The following PCDHA5 variants were observed in gnomAD, a reference collection of about 807,000 sequenced individuals.
The protein encoded by PCDHA5 is protocadherin alpha 5, also known as protocadherin alpha-5.
A neutral mutation model predicts 61.6 loss-of-function variants in PCDHA5; 43 were observed. The ratio of observed to expected loss-of-function variants is 0.70; its 90% CI spans 0.55 to 0.90. The LOEUF is 0.90. Ranked by LOEUF, PCDHA5 falls within the 40% of genes least tolerant of loss-of-function variation. PCDHA5 has a pLI of 0.00. For synonymous variants in PCDHA5, 627 were observed against 543.9 expected (o/e 1.15, Z -2.13); for missense variants, 1,298 against 1,222.7 (o/e 1.06, Z -0.92).
rs2150123800 is a variant in PCDHA5, at chr5:140,823,233, C to A, written c.1458C>A (p.Asn486Lys). ...CACGGGACGCGGACGCGCAGGAGAA[C>A]GCCCTGGTGTCCTACTCGCTGGTGG... ...VSARDADAQE[N>K]ALVSYSLVER... Residue 486 changes from asparagine to lysine, a missense_variant, in exon 1 of 4, where the codon AAC (asparagine) becomes AAA (lysine). Asn to Lys is a moderately conservative substitution (Grantham distance 94, BLOSUM62 0). Transcript: ENST00000529859. 1 of 1,613,610 alleles carries A rather than the reference C, an allele frequency of 6.2e-7. No homozygotes were observed. Among genetic ancestry groups the A allele is most frequent in the East Asian group, 2.2e-5 (1 of 44,870 alleles).
At chr5:140,926,409 C>G (rs1426750263) in intron 1 of PCDHA5, 3 of 152,670 alleles carry the variant, frequency 2.0e-5, no homozygotes, top group Admixed American at 6.5e-5. Context: ...CAGCAATCTG[C>G]GGGCAGAGGA....
At chr5:140,982,380 C>A in intron 2 of PCDHA5, 95 bp from the exon 3 acceptor site, 1 of 1,577,206 alleles carries the variant, frequency 6.3e-7, no homozygotes, top group South Asian at 1.2e-5. Context: ...AGCTGCAGCC[C>A]TGGCTTCATA....
chr5:140,934,612 T>G (rs2089946859), intron 1 of PCDHA5, among the ~76,000 whole-genome samples: 1 of 152,184 alleles, frequency 6.6e-6, no homozygotes, highest in South Asian at 2.1e-4. Flanking sequence ...TTGATTAGCC[T>G]GAGGTACAGT....
chr5:140,830,136 C>A (rs782778260), intron 1 of PCDHA5: 1 of 1,613,258 alleles, frequency 6.2e-7, no homozygotes, highest in South Asian at 1.1e-5. Flanking sequence ...TCATCACGGG[C>A]GTCGGTGGGC....
At chr5:140,897,881 C>T (rs1417702752) in intron 1 of PCDHA5, among the ~76,000 whole-genome samples, 1 of 152,194 alleles carries the variant, frequency 6.6e-6, no homozygotes. Context: ...GATTGCCATT[C>T]TAACTGGTGT....
At chr5:140,984,398 A>T (rs1377930175) in intron 3 of PCDHA5, among the ~76,000 whole-genome samples, 1 of 152,142 alleles carries the variant, frequency 6.6e-6, no homozygotes, top group Non-Finnish European at 1.5e-5. Flanking sequence ...AAATGTTGAG[A>T]ACCTATCTTT....
intron 1 of PCDHA5, chr5:140,926,643 G>A (rs1292255848): frequency 4.9e-5 from 22 of 452,632 alleles, no homozygotes; most frequent in African/African-American, 3.9e-4. Flanking sequence ...CTCAACACCC[G>A]GCCGGCTCCG....
chr5:140,947,321 A>C (rs1365578593), intron 1 of PCDHA5, among the ~76,000 whole-genome samples: 5 of 151,748 alleles, frequency 3.3e-5, no homozygotes, highest in East Asian at 3.9e-4. Flanking sequence ...AAGTCGGTTG[A>C]CCATAAATGT....
chr5:140,903,543 A>C (rs1309997907), intron 1 of PCDHA5, among the ~76,000 whole-genome samples: 2 of 152,206 alleles, frequency 1.3e-5, no homozygotes, highest in East Asian at 3.8e-4. Flanking sequence ...TAGAGCAAGA[A>C]ACTTTTCTAA....
chr5:140,875,987 T>C, intron 1 of PCDHA5: 1 of 1,614,032 alleles, frequency 6.2e-7, no homozygotes, highest in Non-Finnish European at 8.5e-7. Flanking sequence ...ACCTATGCGT[T>C]AAGTCTAAAT....
intron 1 of PCDHA5, among the ~76,000 whole-genome samples, chr5:140,827,633 G>C (rs143632043): frequency 2.0e-5 from 3 of 152,212 alleles, no homozygotes; most frequent in Admixed American, 2.0e-4. Flanking sequence ...GTGTAGAATA[G>C]TTTACATTTC....
At chr5:140,839,863 C>T (rs1776446345) in intron 1 of PCDHA5, among the ~76,000 whole-genome samples, 1 of 151,846 alleles carries the variant, frequency 6.6e-6, no homozygotes, top group African/African-American at 2.4e-5. Flanking sequence ...TTGAGGTGGA[C>T]TTTGAAAGAT....
intron 1 of PCDHA5, chr5:140,834,892 A>G (rs2150228741): frequency 1.2e-6 from 2 of 1,604,044 alleles, no homozygotes; most frequent in African/African-American, 2.7e-5. Flanking sequence ...CTGCTCACTT[A>G]CAGACTGAGC....
intron 1 of PCDHA5, chr5:140,842,572 A>C (rs2150339542): frequency 0.42 from 640,316 of 1,537,946 alleles, 166,648 homozygotes; most frequent in South Asian, 0.52. Context: ...ACCGCGAGAG[A>C]GTGTCGGCCT....
At chr5:141,002,702 G>A (rs2153975030) in intron 3 of PCDHA5, among the ~76,000 whole-genome samples, 1 of 152,294 alleles carries the variant, frequency 6.6e-6, no homozygotes, top group South Asian at 2.1e-4. Context: ...GTTTAACTCT[G>A]TTGCACACAC....
At chr5:140,853,004 G>T (rs914027451) in intron 1 of PCDHA5, 1 of 289,800 alleles carries the variant, frequency 3.5e-6, no homozygotes, top group Non-Finnish European at 5.4e-6. Flanking sequence ...TCAGCCTCCC[G>T]AGTAGCTGGG....
chr5:140,843,572 T>C, intron 1 of PCDHA5: 2 of 1,595,854 alleles, frequency 1.3e-6, no homozygotes, highest in Non-Finnish European at 1.7e-6. Context: ...CTGGTCATAC[T>C]CGCAACAACA....
rs2150112402 is a variant in PCDHA5 at position 140,821,972 on chromosome 5, C to G, written c.197C>G (p.Ala66Gly). 1.5e-5 allele frequency: 25 copies of G among 1,614,136 alleles called. No individual in the cohort carries two copies. The highest frequency in any genetic ancestry group is 2.1e-5 in the Non-Finnish European group (25 of 1,180,040). Residue 66 changes from alanine (A) to glycine (G), a missense_variant, in exon 1 of 4, where the codon GCG (alanine) becomes GGG (glycine). Ala to Gly is a moderately conservative substitution (Grantham distance 60). Coordinates refer to ENST00000529859, the MANE Select transcript of PCDHA5 (RefSeq NM_018908.3). ...CTGGTGCCGCGCCTGTTCCGGGTGG[C>G]GTCCAAGGGCCGCGGGGACCTTCTG... ...AELVPRLFRV[A>G]SKGRGDLLEV...
chr5:140,853,955 T>C (rs1554146923), intron 1 of PCDHA5: 2 of 752,526 alleles, frequency 2.7e-6, no homozygotes, highest in Non-Finnish European at 3.3e-6. Context: ...GGTCCCTTCC[T>C]TGAGCCCAGC....
Sources: allele counts gnomAD v4.1 joint callset (sites outside exome capture counted in the v4.1 genomes callset), GRCh38; gene constraint gnomAD v4.1.1; transcripts MANE v1.5; gene names NCBI Gene and HGNC (gene_info 2026-07-23, HGNC 2026-07-21).